The following ITGA2 variants were observed in gnomAD, a reference collection of about 807,000 sequenced individuals.
ITGA2 encodes integrin subunit alpha 2.
ITGA2 carries 101 observed loss-of-function variants against 146.3 expected under a neutral mutation model. The observed-to-expected ratio is 0.69, with a 90% CI of 0.59 to 0.81. ITGA2 has a LOEUF of 0.81. Ranked by LOEUF, ITGA2 falls within the 40% of genes least tolerant of loss-of-function variation. The probability of loss-of-function intolerance (pLI) is 0.00; values close to 1 mark genes in which losing one functional copy is unlikely to be tolerated. For synonymous variants in ITGA2, 477 were observed against 487.1 expected, an observed-to-expected ratio of 0.98 and a Z score of 0.27; for missense variants, 1,281 against 1,402.7, an observed-to-expected ratio of 0.91 and a Z score of 1.39.
rs554356581 is a variant in ITGA2, at chr5:53,011,882, A to G, written c.65-14866A>G. Among the ~76,000 whole-genome samples, 5 of 152,290 alleles carry G rather than the reference A, an allele frequency of 3.3e-5. No homozygotes were observed. The East Asian group carries it at 9.6e-4, about 29-fold the overall frequency. ...TGAGAATATGTTCTCATGCATCCAGACATCAAAGTTACAAAGTGGAAGAAT... is the reference window on the plus strand; with the variant it reads ...TGAGAATATGTTCTCATGCATCCAGGCATCAAAGTTACAAAGTGGAAGAAT... On this transcript the variant is annotated intron_variant, in intron 1 of 29. Transcript: ENST00000296585.
At chr5:52,992,697 C>T (rs1410119789) in intron 1 of ITGA2, among the ~76,000 whole-genome samples, 1 of 152,146 alleles carries the variant, frequency 6.6e-6, no homozygotes, top group East Asian at 1.9e-4. Context: ...CTTATCTCTC[C>T]AACCCATTCT....
At position 53,055,398 on chromosome 5, in the gene ITGA2, A is replaced by G; in HGVS notation, c.780-140A>G. 4.0e-6 allele frequency: 3 copies of G among 743,760 alleles called. No homozygotes were observed. The South Asian group carries it at 4.9e-5, about 12-fold the overall frequency. 46.1% of individuals were successfully genotyped at this position (743,760 alleles called of 1,614,324 possible). A position where few individuals can be genotyped will look rare whatever the true frequency, so the allele number is the denominator to read the frequency against. On this transcript the variant is annotated intron_variant, in intron 7 of 29. Coordinates refer to ENST00000296585, the MANE Select transcript of ITGA2 (RefSeq NM_002203.4). ...TCTACAAGCTACAAATGGAACATTA[A>G]ATATGTCCTCAGAATTAATATGGAG...
In ITGA2 at chr5:53,075,287, T is replaced by C; in HGVS notation, c.2808T>C (p.Ala936=). ...VNLKIPLLYD[A]EIHLTRSTNI... ...TCAAAATTCCTCTCCTGTATGATGC[T>C]GAAATTCACTTAACAAGGTAGGTGA... The change falls in exon 23 of 30, where the codon GCT becomes GCC. Residue 936 remains alanine (A), a synonymous_variant. Transcript: ENST00000296585. The C allele has an allele frequency of 6.2e-7, 1 of 1,612,528 alleles. No homozygotes were observed. Among genetic ancestry groups the C allele is most frequent in the Non-Finnish European group, 8.5e-7 (1 of 1,179,166 alleles).
intron 1 of ITGA2, among the ~76,000 whole-genome samples, chr5:53,001,412 C>T (rs1645761): frequency 0.8 from 122,079 of 152,066 alleles, 49,502 homozygotes; most frequent in Non-Finnish European, 0.87. Context: ...GCTTTACTTA[C>T]GGTTCACATG....
intron 1 of ITGA2, among the ~76,000 whole-genome samples, chr5:52,993,618 G>A (rs957179002): frequency 6.6e-6 from 1 of 152,152 alleles, no homozygotes; most frequent in South Asian, 2.1e-4. Context: ...TTCATGTGCT[G>A]ACAGCCCTGG....
chr5:52,990,446 G>T (rs553228122), intron 1 of ITGA2, among the ~76,000 whole-genome samples: 1 of 152,154 alleles, frequency 6.6e-6, no homozygotes, highest in Non-Finnish European at 1.5e-5. Context: ...GAGCTAGAGT[G>T]TGGTCAAATT....
chr5:53,073,188 G>T lies in ITGA2; in HGVS notation c.2500G>T (p.Glu834Ter). 1 of 1,612,474 alleles carries T rather than the reference G, an allele frequency of 6.2e-7. No homozygotes were observed. The highest frequency in any genetic ancestry group is 8.5e-7 in the Non-Finnish European group (1 of 1,178,908). The change falls in exon 20 of 30, where the codon GAA becomes TAA. Residue 834 changes from glutamate (E) to a stop codon, truncating the protein, a stop_gained. Transcript: ENST00000296585. LOFTEE classifies it high-confidence loss of function. The part of the protein sequence containing the change: ...TFSVTLKNKR[E>*]SAYNTGIVVD... ...TTCAGTAACGCTGAAAAATAAAAGG[G>T]AAAGTGCATACAACACTGGAATTGT...
intron 1 of ITGA2, among the ~76,000 whole-genome samples, chr5:53,022,534 A>G (rs1227686742): frequency 6.6e-6 from 1 of 152,182 alleles, no homozygotes; most frequent in African/African-American, 2.4e-5. Context: ...TATTTCAGAG[A>G]TGGTCAGGAA....
chr5:53,037,973 C>G lies in ITGA2; in HGVS notation c.186-4139C>G, dbSNP rs955034717. On this transcript the variant is annotated intron_variant, in intron 2 of 29. Coordinates refer to ENST00000296585, the MANE Select transcript of ITGA2 (RefSeq NM_002203.4). ...TAAGTGCCACACAACTGCACAGATG[C>G]TTACTTTTCTCTTCTTTCTGATTAA... Among the ~76,000 whole-genome samples the G allele has an allele frequency of 5.9e-5, 9 of 152,238 alleles. 1 individual carries two copies. The South Asian group carries it at 1.0e-3, about 18-fold the overall frequency.
chr5:53,082,450 A>G (rs981345954), intron 26 of ITGA2, among the ~76,000 whole-genome samples: 2 of 152,196 alleles, frequency 1.3e-5, no homozygotes, highest in African/African-American at 4.8e-5. Flanking sequence ...GCATGCTGTA[A>G]CTGAAGTGGG....
chr5:53,039,035 G>A lies in ITGA2; in HGVS notation c.186-3077G>A, dbSNP rs1004684439. 2.6e-5 allele frequency among the ~76,000 whole-genome samples: 4 copies of A among 152,182 alleles called. No homozygotes were observed. In the South Asian group the frequency reaches 6.2e-4, roughly 24 times the overall value. On this transcript the variant is annotated intron_variant, in intron 2 of 29. Transcript: ENST00000296585. Reference sequence around the variant, plus strand: ...TTGAACCCAGGAAGTGGAGGTTACAGTGAGCCAAGATCATGCCACTGCACT... The same window carrying A: ...TTGAACCCAGGAAGTGGAGGTTACAATGAGCCAAGATCATGCCACTGCACT...
chr5:53,058,485 G>A (rs1248020958), intron 10 of ITGA2, among the ~76,000 whole-genome samples: 1 of 151,836 alleles, frequency 6.6e-6, no homozygotes, highest in Non-Finnish European at 1.5e-5. Context: ...ATTCTGAATG[G>A]TCATAGTATC....
intron 14 of ITGA2, 122 bp downstream of exon 14, chr5:53,065,237 G>A (rs2111975659): frequency 9.0e-6 from 9 of 1,002,638 alleles, no homozygotes; most frequent in Non-Finnish European, 1.4e-5. Context: ...CTTTCACTCA[G>A]CAAATATAAA....
chr5:53,066,621 A>G (rs1436363232), intron 15 of ITGA2, among the ~76,000 whole-genome samples: 1 of 151,932 alleles, frequency 6.6e-6, no homozygotes, highest in Non-Finnish European at 1.5e-5. Context: ...AAATATTTGA[A>G]GAACAGAAAA....
intron 7 of ITGA2, 26 bp downstream of exon 7, chr5:53,051,585 T>C: frequency 6.2e-7 from 1 of 1,604,438 alleles, no homozygotes; most frequent in South Asian, 1.1e-5. Context: ...AATAGGCCAA[T>C]GTTTTCATAA....
intron 28 of ITGA2, among the ~76,000 whole-genome samples, chr5:53,088,278 G>T (rs1168136721): frequency 1.3e-5 from 2 of 152,096 alleles, no homozygotes; most frequent in Non-Finnish European, 1.5e-5. Context: ...AAATTCAAAT[G>T]AACAATTTTA....
At chr5:53,042,322 CT>C (rs566615219) in intron 3 of ITGA2, 101 bp downstream of exon 3, 122 of 824,002 alleles carry the variant, frequency 1.5e-4, no homozygotes, top group Non-Finnish European at 1.7e-4. Flanking sequence ...ATACAGACAG[CT>C]TTTTTTTGCC....
At chr5:53,062,319 C>T (rs1273302083) in intron 12 of ITGA2, among the ~76,000 whole-genome samples, 1 of 151,876 alleles carries the variant, frequency 6.6e-6, no homozygotes, top group East Asian at 1.9e-4. Context: ...TTGGGACTTG[C>T]CTCTATTACA....
At chr5:53,054,503 C>T (rs2111937081) in intron 7 of ITGA2, among the ~76,000 whole-genome samples, 1 of 151,980 alleles carries the variant, frequency 6.6e-6, no homozygotes, top group African/African-American at 2.4e-5. Flanking sequence ...AAAAGTATGC[C>T]AAGATATATA....
Sources: allele counts gnomAD v4.1 joint callset (sites outside exome capture counted in the v4.1 genomes callset), GRCh38; gene constraint gnomAD v4.1.1; transcripts MANE v1.5; gene names NCBI Gene and HGNC (gene_info 2026-07-23, HGNC 2026-07-21).